The following SYNDIG1 variants were observed in gnomAD, a reference collection of about 807,000 sequenced individuals.
The protein encoded by SYNDIG1 is synapse differentiation-inducing gene protein 1.
SYNDIG1 carries 9 observed loss-of-function variants against 19.4 expected under a neutral mutation model. The ratio of observed to expected loss-of-function variants is 0.46; its 90% CI spans 0.28 to 0.81. SYNDIG1 has a LOEUF of 0.81. Among genes scored for constraint, SYNDIG1 ranks in the 30% least tolerant of loss-of-function variants. SYNDIG1 has a pLI of 0.12. For missense variants in SYNDIG1, 311 were observed against 343.3 expected (o/e 0.91, Z 0.74); for synonymous variants, 141 against 145.9 (o/e 0.97, Z 0.24).
At chr20:24,544,863 TGAA>T (rs1284633487) in intron 2 of SYNDIG1, among the ~76,000 whole-genome samples, 1 of 152,124 alleles carries the variant, frequency 6.6e-6, no homozygotes, top group Admixed American at 6.5e-5. Context: ...TGAGTTTGTG[TGAA>T]GATCTGGTCA....
At chr20:24,635,463 T>C (rs924178032) in intron 3 of SYNDIG1, among the ~76,000 whole-genome samples, 16 of 152,198 alleles carry the variant, frequency 1.1e-4, no homozygotes, top group African/African-American at 3.4e-4. Flanking sequence ...CCTATTGCTA[T>C]GATAAAAGCT....
In SYNDIG1 at chr20:24,543,572, C is replaced by T. The variant is rs756790205; in HGVS notation, c.475C>T (p.Leu159=). The change falls in exon 2 of 4, where the codon CTG becomes TTG. Residue 159 remains leucine (L), a synonymous_variant. Coordinates refer to ENST00000376862, the MANE Select transcript of SYNDIG1 (RefSeq NM_024893.3). ...GGAGGAGGAGGAGGAGTTCCAGGAGCTGGAGGTCACAGGATGTGTTTGTCA... is the reference window on the plus strand; with the variant it reads ...GGAGGAGGAGGAGGAGTTCCAGGAGTTGGAGGTCACAGGATGTGTTTGTCA... ...DVEEEEEFQE[L]ESDYSSDTES... 6.3e-7 allele frequency: 1 copy of T among 1,599,346 alleles called. No individual in the cohort carries two copies. Among genetic ancestry groups the T allele is most frequent in the Non-Finnish European group, 8.5e-7 (1 of 1,178,742 alleles).
At chr20:24,529,038 G>GA (rs201365894) in intron 1 of SYNDIG1, among the ~76,000 whole-genome samples, 405 of 148,162 alleles carry the variant, frequency 2.7e-3, no homozygotes, top group Admixed American at 5.4e-3. Flanking sequence ...TCCTCCAAAG[G>GA]AAAAAAAAAC....
At chr20:24,513,189 A>G (rs1221812630) in intron 1 of SYNDIG1, among the ~76,000 whole-genome samples, 1 of 152,248 alleles carries the variant, frequency 6.6e-6, no homozygotes, top group East Asian at 1.9e-4. Flanking sequence ...AACAGAGCAG[A>G]AAAACTGAAC....
chr20:24,524,672 T>TA (rs1282075474), intron 1 of SYNDIG1, among the ~76,000 whole-genome samples: 1 of 152,100 alleles, frequency 6.6e-6, no homozygotes, highest in Non-Finnish European at 1.5e-5. Context: ...TTTATCTTGT[T>TA]AAGGATGATT....
intron 1 of SYNDIG1, among the ~76,000 whole-genome samples, chr20:24,494,671 C>G (rs887198813): frequency 1.3e-5 from 2 of 152,164 alleles, no homozygotes; most frequent in Non-Finnish European, 2.9e-5. Flanking sequence ...CAGCAGGGAC[C>G]GGGGCCCTGA....
intron 2 of SYNDIG1, among the ~76,000 whole-genome samples, chr20:24,564,845 G>T (rs1307436630): frequency 6.6e-6 from 1 of 152,224 alleles, no homozygotes; most frequent in East Asian, 1.9e-4. Flanking sequence ...GAAAGCTGCT[G>T]CTGTGCTGTC....
At chr20:24,538,617 A>G (rs2057407231) in intron 1 of SYNDIG1, among the ~76,000 whole-genome samples, 2 of 152,218 alleles carry the variant, frequency 1.3e-5, no homozygotes, top group African/African-American at 4.8e-5. Context: ...GTATATATCC[A>G]GAAGTGGAAT....
Position 24,485,102 on chromosome 20 carries a change from G to T in SYNDIG1, c.-79+15349G>T, listed in dbSNP as rs150205201. Among the ~76,000 whole-genome samples the T allele has an allele frequency of 3.2e-4, 48 of 152,220 alleles. No homozygotes were observed. The East Asian group carries it at 9.1e-3, about 29-fold the overall frequency. ...TGCCATGTTATGATGCAGCACAAAA[G>T]CCCTTACCAGAAGCCGGGGCCATGG... On this transcript the variant is annotated intron_variant, in intron 1 of 3. Transcript: ENST00000376862.
chr20:24,578,810 C>T (rs1027287493), intron 2 of SYNDIG1, among the ~76,000 whole-genome samples: 4 of 152,166 alleles, frequency 2.6e-5, no homozygotes, highest in South Asian at 2.1e-4. Flanking sequence ...CTGCTGTGAG[C>T]GCAAGGTCAG....
intron 1 of SYNDIG1, among the ~76,000 whole-genome samples, chr20:24,494,149 G>A (rs186193335): frequency 4.6e-5 from 7 of 152,248 alleles, no homozygotes; most frequent in Admixed American, 2.6e-4. Context: ...GAAGAGGGCC[G>A]GGGGCGGGGC....
At chr20:24,574,354 C>T (rs1028400410) in intron 2 of SYNDIG1, among the ~76,000 whole-genome samples, 5 of 150,778 alleles carry the variant, frequency 3.3e-5, no homozygotes, top group Admixed American at 2.0e-4. Flanking sequence ...CCAGGCATGG[C>T]GGCATGCACC....
intron 2 of SYNDIG1, among the ~76,000 whole-genome samples, chr20:24,548,446 C>T (rs199661668): frequency 1.3e-5 from 2 of 152,178 alleles, no homozygotes; most frequent in East Asian, 3.8e-4. Context: ...ACACAGAATT[C>T]TATAACTGCA....
At position 24,658,621 on chromosome 20, in the gene SYNDIG1, C is replaced by T. The variant is rs919868376; in HGVS notation, c.619-6725C>T. Among the ~76,000 whole-genome samples the T allele has an allele frequency of 2.0e-5, 3 of 151,680 alleles. No individual in the cohort carries two copies. Among genetic ancestry groups the T allele is most frequent in the African/African-American group, 7.3e-5 (3 of 41,260 alleles). On this transcript the variant is annotated intron_variant, in intron 3 of 3. Coordinates refer to ENST00000376862, the MANE Select transcript of SYNDIG1 (RefSeq NM_024893.3). This position sits in a 1 kb window ranked among gnomAD's most constrained non-coding sequence, Gnocchi z 4.4. ...TGTGGAGTATGACCCCCCACCCCCA[C>T]CCCCCGGCGATTCACTGAATGTGAA... is the stretch of plus-strand genomic sequence containing the variant.
chr20:24,479,926 T>C (rs753306226), intron 1 of SYNDIG1, among the ~76,000 whole-genome samples: 2 of 152,200 alleles, frequency 1.3e-5, no homozygotes, highest in Non-Finnish European at 2.9e-5. Context: ...GAACACTGAG[T>C]TACTCCTGCC....
chr20:24,573,264 A>T (rs2058173934), intron 2 of SYNDIG1, among the ~76,000 whole-genome samples: 1 of 152,190 alleles, frequency 6.6e-6, no homozygotes, highest in African/African-American at 2.4e-5. Flanking sequence ...TGGGTCATAG[A>T]AGGCTGCATC....
chr20:24,521,814 C>T (rs974416173), intron 1 of SYNDIG1, among the ~76,000 whole-genome samples: 2 of 151,040 alleles, frequency 1.3e-5, no homozygotes, highest in Non-Finnish European at 2.9e-5. Flanking sequence ...GCAGGAGAAT[C>T]GCTTGAACCC....
intron 3 of SYNDIG1, among the ~76,000 whole-genome samples, chr20:24,618,223 GA>G: frequency 2.1e-5 from 3 of 145,614 alleles, no homozygotes; most frequent in Admixed American, 1.3e-4. Context: ...CCGGGGAAGG[GA>G]GAGAGCCCGG....
At chr20:24,481,022 G>T (rs2055781574) in intron 1 of SYNDIG1, among the ~76,000 whole-genome samples, 1 of 152,174 alleles carries the variant, frequency 6.6e-6, no homozygotes, top group Non-Finnish European at 1.5e-5. Flanking sequence ...ATACGTGCGA[G>T]ATGAAAAAGT....
Sources: allele counts gnomAD v4.1 joint callset (sites outside exome capture counted in the v4.1 genomes callset), GRCh38; gene constraint gnomAD v4.1.1; non-coding constraint Gnocchi (gnomAD v3.1); transcripts MANE v1.5; gene names NCBI Gene and HGNC (gene_info 2026-07-23, HGNC 2026-07-21).